ELMO1: variants seen among roughly 807,000 people sequenced by gnomAD.
ELMO1 encodes engulfment and cell motility 1.
In ELMO1, 26 loss-of-function variants were observed where a neutral mutation model predicts 98.9. That is an observed-to-expected ratio of 0.26 (90% CI 0.19 to 0.36). ELMO1 has a LOEUF of 0.36. ELMO1 is among the 10% of genes least tolerant of loss of function. The probability of loss-of-function intolerance (pLI) is 1.00; values close to 1 mark genes in which losing one functional copy is unlikely to be tolerated. For missense variants in ELMO1, 627 were observed against 935.2 expected, an observed-to-expected ratio of 0.67 and a Z score of 4.30; for synonymous variants, 346 against 346.0, an observed-to-expected ratio of 1.00 and a Z score of 0.00.
chr7:37,368,971 T>C (rs1802006442), intron 1 of ELMO1, among the ~76,000 whole-genome samples: 1 of 152,224 alleles, frequency 6.6e-6, no homozygotes, highest in Non-Finnish European at 1.5e-5. Flanking sequence ...CAGCAAACCT[T>C]CAGGAGATGA....
chr7:36,883,974 G>A (rs1804696928), intron 18 of ELMO1, among the ~76,000 whole-genome samples: 1 of 152,116 alleles, frequency 6.6e-6, no homozygotes, highest in African/African-American at 2.4e-5. Flanking sequence ...TGGGGAGAGA[G>A]TGGAGTGATG....
intron 13 of ELMO1, among the ~76,000 whole-genome samples, chr7:37,179,569 G>C (rs1790717199): frequency 1.3e-5 from 2 of 152,136 alleles, no homozygotes; most frequent in African/African-American, 4.8e-5. Flanking sequence ...GAGCCACCGA[G>C]CCCGGCCTTG....
intron 16 of ELMO1, among the ~76,000 whole-genome samples, chr7:36,958,399 C>T (rs1788643998): frequency 6.6e-6 from 1 of 152,180 alleles, no homozygotes. Context: ...ATTTTTCTAG[C>T]TGATTCACTC....
At chr7:37,101,604 A>G (rs1026853129) in intron 14 of ELMO1, among the ~76,000 whole-genome samples, 1 of 152,206 alleles carries the variant, frequency 6.6e-6, no homozygotes, top group Non-Finnish European at 1.5e-5. Context: ...GGCTTAAACT[A>G]TCACTAAGAG....
chr7:37,374,905 C>T (rs922606865), intron 1 of ELMO1, among the ~76,000 whole-genome samples: 3 of 150,614 alleles, frequency 2.0e-5, no homozygotes, highest in Admixed American at 1.3e-4. Flanking sequence ...ACTAAAAATA[C>T]AAAAATTAGC....
chr7:36,986,325 G>A (rs1314648446), intron 16 of ELMO1: 1 of 922,798 alleles, frequency 1.1e-6, no homozygotes, highest in African/African-American at 1.8e-5. Context: ...AGTATCACAA[G>A]AGAAAAATAA....
chr7:37,191,895 C>T (rs1008989141), intron 13 of ELMO1, among the ~76,000 whole-genome samples: 6 of 148,674 alleles, frequency 4.0e-5, no homozygotes, highest in Admixed American at 6.8e-5. Flanking sequence ...ACCGCCTGGG[C>T]GAAAGAGGAA....
chr7:37,404,963 G>T (rs1803693459), intron 1 of ELMO1, among the ~76,000 whole-genome samples: 1 of 152,140 alleles, frequency 6.6e-6, no homozygotes, highest in Non-Finnish European at 1.5e-5. Context: ...CTCATGATCA[G>T]GAGTCCTCAT....
intron 13 of ELMO1, among the ~76,000 whole-genome samples, chr7:37,140,071 A>C (rs1787518026): frequency 6.6e-6 from 1 of 152,098 alleles, no homozygotes; most frequent in African/African-American, 2.4e-5. Context: ...TCAACTCAAG[A>C]TGGATCAAAT....
chr7:37,438,300 G>A (rs543948683), intron 1 of ELMO1, among the ~76,000 whole-genome samples: 171 of 151,836 alleles, frequency 1.1e-3, no homozygotes, highest in African/African-American at 3.9e-3. Flanking sequence ...AGAAACTACT[G>A]AATCGGGCCG....
chr7:37,058,250 T>C (rs1418843887), intron 15 of ELMO1, among the ~76,000 whole-genome samples: 1 of 152,192 alleles, frequency 6.6e-6, no homozygotes, highest in East Asian at 1.9e-4. Context: ...TTCATATAAA[T>C]GTAAAGTCAT....
chr7:36,932,559 G>C (rs1170327281), intron 16 of ELMO1, among the ~76,000 whole-genome samples: 3 of 152,242 alleles, frequency 2.0e-5, no homozygotes, highest in Admixed American at 1.3e-4. Flanking sequence ...ACAGTGCAAA[G>C]TAAGTGAAAC....
chr7:37,127,089 T>C (rs1786577089), intron 14 of ELMO1, among the ~76,000 whole-genome samples: 1 of 152,214 alleles, frequency 6.6e-6, no homozygotes, highest in Non-Finnish European at 1.5e-5. Flanking sequence ...TGACTGACAA[T>C]AGGTTCTGAA....
intron 13 of ELMO1, among the ~76,000 whole-genome samples, chr7:37,185,658 C>T (rs892916372): frequency 6.6e-6 from 1 of 152,090 alleles, no homozygotes; most frequent in Non-Finnish European, 1.5e-5. Flanking sequence ...GATTTTTGAT[C>T]CAGAAAATTT....
rs921248516 is a variant in ELMO1 at position 36,875,386 on chromosome 7, T to C, written c.1822+2624A>G. ...TACTAGTACACACACACTCTCTTTC[T>C]CTCTCTCTCACACACACACTCTCCC... On this transcript the variant is annotated intron_variant, in intron 19 of 21. Coordinates refer to ENST00000310758, the MANE Select transcript of ELMO1 (RefSeq NM_014800.11). Among the ~76,000 whole-genome samples, 14 of 152,144 alleles carry C rather than the reference T, an allele frequency of 9.2e-5. No homozygotes were observed. In the East Asian group the frequency reaches 2.1e-3, roughly 23 times the overall value.
intron 14 of ELMO1, among the ~76,000 whole-genome samples, chr7:37,107,275 C>T (rs1350180978): frequency 6.6e-6 from 1 of 152,104 alleles, no homozygotes; most frequent in Non-Finnish European, 1.5e-5. Flanking sequence ...GCATTTTTCA[C>T]AAGGAAGTAT....
At position 37,013,420 on chromosome 7, in the gene ELMO1, T is replaced by C; in HGVS notation, c.1316A>G (p.Asn439Ser). 1 of 1,613,988 alleles carries C rather than the reference T, an allele frequency of 6.2e-7. No homozygotes were observed. The highest frequency in any genetic ancestry group is 8.5e-7 in the Non-Finnish European group (1 of 1,179,954). Residue 439 changes from asparagine (N) to serine (S), a missense_variant, in exon 16 of 22, where the codon AAC becomes AGC. Around this residue, in one of 3 missense-constraint regions of ELMO1, gnomAD observed 492 missense variants for 715.6 expected, o/e 0.69. Coordinates refer to ENST00000310758, the MANE Select transcript of ELMO1 (RefSeq NM_014800.11). ...KVGELPSETC[N>S]DFHPMFFTHD... ...GGTGAAGAACATCGGGTGGAAGTCG[T>C]TGCAGGTCTCACTAGCTGGAGGAAA...
At chr7:36,872,652 G>T (rs1803623033) in intron 19 of ELMO1, among the ~76,000 whole-genome samples, 2 of 152,078 alleles carry the variant, frequency 1.3e-5, no homozygotes, top group Admixed American at 6.6e-5. Context: ...TCATAACCAA[G>T]AACTGGCCTC....
chr7:37,380,278 T>C (rs1013977556), intron 1 of ELMO1, among the ~76,000 whole-genome samples: 7 of 152,254 alleles, frequency 4.6e-5, no homozygotes, highest in African/African-American at 1.7e-4. Context: ...ATTTGTATGC[T>C]TATTCATTTT....
Sources: allele counts gnomAD v4.1 joint callset (sites outside exome capture counted in the v4.1 genomes callset), GRCh38; gene constraint gnomAD v4.1.1; regional missense constraint gnomAD v4.1.1; transcripts MANE v1.5; gene names NCBI Gene and HGNC (gene_info 2026-07-23, HGNC 2026-07-21).